RPL34: variants seen among roughly 807,000 people sequenced by gnomAD.
The protein encoded by RPL34 is ribosomal protein L34, also known as large ribosomal subunit protein eL34.
A neutral mutation model predicts 16.3 loss-of-function variants in RPL34; 2 were observed. That is an observed-to-expected ratio of 0.12 (90% CI 0.05 to 0.39). RPL34 has a LOEUF of 0.39. RPL34 is among the 10% of genes least tolerant of loss of function. RPL34 has a pLI of 0.99. For synonymous variants in RPL34, 47 were observed against 48.5 expected (o/e 0.97, Z 0.13); for missense variants, 82 against 148.8 (o/e 0.55, Z 2.33).
downstream of RPL34, among the ~76,000 whole-genome samples, chr4:108,625,838 CT>C (rs1454643257): frequency 6.6e-6 from 1 of 152,158 alleles, no homozygotes; most frequent in African/African-American, 2.4e-5. Context: ...CTATTTGAAA[CT>C]TTAATATCCC....
At chr4:108,627,180 A>C (rs1726039110), downstream of RPL34, among the ~76,000 whole-genome samples, 1 of 152,050 alleles carries the variant, frequency 6.6e-6, no homozygotes, top group African/African-American at 2.4e-5. Context: ...CAGAGGTTGC[A>C]GTAAGCCAAG....
downstream of RPL34, among the ~76,000 whole-genome samples, chr4:108,625,864 T>C (rs1725983523): frequency 6.6e-6 from 1 of 152,198 alleles, no homozygotes; most frequent in Non-Finnish European, 1.5e-5. Flanking sequence ...ATCCTTACTA[T>C]GGTATCTCCT....
intron 4 of RPL34, among the ~76,000 whole-genome samples, chr4:108,624,700 T>C (rs905684410): frequency 2.6e-5 from 4 of 152,214 alleles, no homozygotes; most frequent in African/African-American, 4.8e-5. Context: ...TGGTGAGGTG[T>C]CTCTTGCTAA....
chr4:108,625,287 T>G lies in RPL34; in HGVS notation c.*75T>G. On this transcript the variant is annotated 3_prime_UTR_variant, in exon 5 of 5. Transcript: ENST00000394667. Reference sequence around the variant, plus strand: ...GACTTTTTTTTTTTCTGTTGTAATGTGTTAGTATACAGATTTTGTTTCTGT... The same window carrying G: ...GACTTTTTTTTTTTCTGTTGTAATGGGTTAGTATACAGATTTTGTTTCTGT... The G allele has an allele frequency of 1.2e-6, 1 of 813,812 alleles. No homozygotes were observed. The highest frequency in any genetic ancestry group is 2.0e-6 in the Non-Finnish European group (1 of 491,756). 50.4% of individuals were successfully genotyped at this position (813,812 alleles called of 1,614,324 possible). A position where few individuals can be genotyped will look rare whatever the true frequency, so the allele number is the denominator to read the frequency against.
At chr4:108,627,044 CCTGT>C (rs1726029670), downstream of RPL34, among the ~76,000 whole-genome samples, 1 of 152,016 alleles carries the variant, frequency 6.6e-6, no homozygotes, top group Non-Finnish European at 1.5e-5. Flanking sequence ...TCGAGACCAT[CCTGT>C]CTAGCACGGT....
downstream of RPL34, among the ~76,000 whole-genome samples, chr4:108,625,822 GC>G (rs1389389069): frequency 4.6e-5 from 7 of 152,274 alleles, no homozygotes; most frequent in Admixed American, 2.0e-4. Flanking sequence ...GGGAGGAATG[GC>G]CCTTCTATTT....
downstream of RPL34, among the ~76,000 whole-genome samples, chr4:108,626,479 C>T (rs1212323122): frequency 1.5e-5 from 2 of 135,756 alleles, no homozygotes; most frequent in East Asian, 2.4e-4. Flanking sequence ...GAAATGGAGC[C>T]TTGCTCTTGC....
chr4:108,626,074 G>A (rs1177922393), downstream of RPL34, among the ~76,000 whole-genome samples: 5 of 152,150 alleles, frequency 3.3e-5, no homozygotes, highest in African/African-American at 1.2e-4. Flanking sequence ...TATAGTTTCT[G>A]ATCTACATTG....
At chr4:108,630,370 T>C (rs1397741475), downstream of RPL34, 7 of 152,318 alleles carry the variant, frequency 4.6e-5, 1 homozygote, top group African/African-American at 1.7e-4. Flanking sequence ...GTAAAGAGTT[T>C]AGGGTTTGAT....
chr4:108,627,996 A>G (rs1235423760), downstream of RPL34, among the ~76,000 whole-genome samples: 1 of 152,220 alleles, frequency 6.6e-6, no homozygotes, highest in East Asian at 1.9e-4. Flanking sequence ...GACACAGGTT[A>G]TAGAAAACCC....
At chr4:108,625,002 T>C (rs1181545779) in intron 4 of RPL34, 126 bp from the exon 5 acceptor site, 2 of 642,480 alleles carry the variant, frequency 3.1e-6, no homozygotes, top group African/African-American at 3.7e-5. Flanking sequence ...TGTATTTGTG[T>C]ATCCTGTAGT....
downstream of RPL34, among the ~76,000 whole-genome samples, chr4:108,629,395 A>G (rs1560615595): frequency 1.3e-5 from 2 of 152,272 alleles, no homozygotes; most frequent in South Asian, 2.1e-4. Context: ...GCCTTCTTAT[A>G]TATCTGATTA....
At chr4:108,630,041 G>T (rs1183567321), downstream of RPL34, 1 of 152,224 alleles carries the variant, frequency 6.6e-6, no homozygotes, top group South Asian at 2.1e-4. Flanking sequence ...AAAAGTTGGT[G>T]TGCTGGAGCT....
Position 108,622,210 on chromosome 4 carries a change from T to C in RPL34, c.165+6T>C. On this transcript the variant is annotated splice_donor_region_variant and intron_variant, in intron 3 of 4. Transcript: ENST00000394667. ...GCCCAGGCAGACTTCGAGGGGTAAGTGTACCTTTTACTGTGTGCAGCCTAA... is the reference window on the plus strand; with the variant it reads ...GCCCAGGCAGACTTCGAGGGGTAAGCGTACCTTTTACTGTGTGCAGCCTAA... The C allele has an allele frequency of 6.3e-7, 1 of 1,591,032 alleles. No homozygotes were observed. Among genetic ancestry groups the C allele is most frequent in the Non-Finnish European group, 8.6e-7 (1 of 1,163,864 alleles).
intron 3 of RPL34, 143 bp downstream of exon 3, chr4:108,622,347 A>G: frequency 4.9e-6 from 4 of 813,044 alleles, no homozygotes; most frequent in Non-Finnish European, 8.1e-6. Flanking sequence ...ATCTGCCACG[A>G]ACATAGACTT....
chr4:108,627,245 A>T (rs1462081004), downstream of RPL34, among the ~76,000 whole-genome samples: 1 of 152,016 alleles, frequency 6.6e-6, no homozygotes, highest in Admixed American at 6.6e-5. Context: ...TCTCCAAAAA[A>T]AAAACACCTT....
intron 1 of RPL34, chr4:108,621,738 T>G (rs1283613842): frequency 2.0e-6 from 1 of 490,530 alleles, no homozygotes; most frequent in Non-Finnish European, 3.7e-6. Flanking sequence ...AGTGCCACGT[T>G]TGATTACCAT....
intron 4 of RPL34, chr4:108,622,833 G>A: frequency 2.4e-6 from 1 of 423,946 alleles, no homozygotes; most frequent in Non-Finnish European, 4.2e-6. Flanking sequence ...AGATTAAAAG[G>A]AACTTGGTTT....
downstream of RPL34, among the ~76,000 whole-genome samples, chr4:108,626,882 C>T (rs935202837): frequency 6.6e-6 from 1 of 152,122 alleles, no homozygotes; most frequent in African/African-American, 2.4e-5. Flanking sequence ...GGAAAATTTA[C>T]CTACTAACTG....
Sources: gnomAD v4.1 joint callset for allele counts (sites outside exome capture counted in the v4.1 genomes callset) on GRCh38, gnomAD v4.1.1 for gene constraint, MANE v1.5 for transcripts, NCBI Gene and HGNC (gene_info 2026-07-23, HGNC 2026-07-21) for gene names.